The following CABIN1 variants were observed in gnomAD, a reference collection of about 807,000 sequenced individuals.
CABIN1 encodes the protein calcineurin binding protein 1, also known as calcineurin-binding protein cabin-1.
Under a neutral mutation model 227.7 loss-of-function variants are expected in CABIN1, and 133 were observed. That is an observed-to-expected ratio of 0.58 (90% CI 0.51 to 0.67). CABIN1 has a LOEUF of 0.67. CABIN1 is among the 30% of genes least tolerant of loss of function. The probability of loss-of-function intolerance (pLI) is 0.00; values close to 1 mark genes in which losing one functional copy is unlikely to be tolerated. For synonymous variants in CABIN1, 1,086 were observed against 1,155.1 expected (o/e 0.94, Z 1.21); for missense variants, 2,408 against 2,852.5 (o/e 0.84, Z 3.55).
At chr22:24,094,909 A>T (rs961334809) in intron 24 of CABIN1, among the ~76,000 whole-genome samples, 1 of 151,752 alleles carries the variant, frequency 6.6e-6, no homozygotes, top group African/African-American at 2.4e-5. Flanking sequence ...CTCCTCTGCT[A>T]TTGTGCCTTC....
intron 29 of CABIN1, among the ~76,000 whole-genome samples, chr22:24,150,736 C>G (rs1219772690): frequency 6.6e-6 from 1 of 152,294 alleles, no homozygotes; most frequent in Middle Eastern, 3.4e-3. Flanking sequence ...CTTCTGGCTC[C>G]GCTGGTGGAA....
chr22:24,160,175 C>CTCTACACTG, intron 29 of CABIN1, among the ~76,000 whole-genome samples: 1 of 152,154 alleles, frequency 6.6e-6, no homozygotes. Flanking sequence ...CAGGTTGTCC[C>CTCTACACTG]TCCCAGTGTA....
intron 26 of CABIN1, among the ~76,000 whole-genome samples, chr22:24,101,060 C>T (rs575461888): frequency 4.9e-4 from 74 of 152,298 alleles, no homozygotes; most frequent in Non-Finnish European, 9.6e-4. Flanking sequence ...TCCTCTGAAG[C>T]AGCAGCTCCT....
intron 4 of CABIN1, among the ~76,000 whole-genome samples, chr22:24,040,200 T>C (rs1012101730): frequency 1.3e-5 from 2 of 152,240 alleles, no homozygotes; most frequent in Admixed American, 6.5e-5. Context: ...CAGCTGGTTC[T>C]TGGGGGCCTT....
chr22:24,159,355 A>C (rs2046019497), intron 29 of CABIN1, among the ~76,000 whole-genome samples: 1 of 152,270 alleles, frequency 6.6e-6, no homozygotes. Context: ...GGCCGGGCCA[A>C]GCCCAAGAAG....
chr22:24,130,460 C>G (rs1691508217), intron 28 of CABIN1, among the ~76,000 whole-genome samples: 1 of 152,176 alleles, frequency 6.6e-6, no homozygotes, highest in South Asian at 2.1e-4. Context: ...CTCTGAGCCT[C>G]TATTTCCTCA....
chr22:24,084,825 G>A (rs776723043), intron 21 of CABIN1, 40 bp downstream of exon 21: 2 of 1,599,244 alleles, frequency 1.3e-6, no homozygotes, highest in Admixed American at 3.3e-5. Context: ...ACAGGGCTGG[G>A]TCACACTCTT....
chr22:24,055,235 G>T, intron 9 of CABIN1, 76 bp downstream of exon 9: 1 of 1,525,982 alleles, frequency 6.6e-7, no homozygotes, highest in Non-Finnish European at 8.9e-7. Flanking sequence ...CTGCTGGGGA[G>T]CCCTGCCTCC....
intron 6 of CABIN1, among the ~76,000 whole-genome samples, chr22:24,045,873 C>T (rs1015538503): frequency 6.6e-6 from 1 of 152,138 alleles, no homozygotes; most frequent in African/African-American, 2.4e-5. Context: ...AGTTCTTGTT[C>T]TCCATAACCA....
Position 24,178,124 on chromosome 22 carries a change from C to G in CABIN1, c.6591C>G (p.Val2197=). 1 of 1,613,842 alleles carries G rather than the reference C, an allele frequency of 6.2e-7. No homozygotes were observed. Among genetic ancestry groups the G allele is most frequent in the Non-Finnish European group, 8.5e-7 (1 of 1,179,972 alleles). Residue 2197 remains valine (V), a synonymous_variant, in exon 37 of 37, where the codon GTC becomes GTG. Transcript: ENST00000263119. Reference sequence around the variant, plus strand: ...GCCTATGCCAGCCAGCCCTGGAGGTCCTGGAGACATCCAGCCAGGAGTCCT... The same window carrying G: ...GCCTATGCCAGCCAGCCCTGGAGGTGCTGGAGACATCCAGCCAGGAGTCCT... ...KESLCQPALE[V]LETSSQESSL...
chr22:24,075,745 T>TA (rs200383727), intron 18 of CABIN1, among the ~76,000 whole-genome samples: 20 of 150,188 alleles, frequency 1.3e-4, no homozygotes, highest in South Asian at 2.1e-4. Flanking sequence ...CCCTATCTCT[T>TA]AAAAAAAAAA....
chr22:24,104,800 A>G (rs1214700997), intron 26 of CABIN1, among the ~76,000 whole-genome samples: 2 of 152,150 alleles, frequency 1.3e-5, no homozygotes, highest in Non-Finnish European at 2.9e-5. Flanking sequence ...CAAAATACTA[A>G]TTCCACCCAA....
chr22:24,087,751 C>T (rs1167635325), intron 23 of CABIN1, 38 bp downstream of exon 23: 19 of 1,611,596 alleles, frequency 1.2e-5, no homozygotes, highest in Non-Finnish European at 1.4e-5. Context: ...TGCCATCCTT[C>T]TGTCCAGACA....
chr22:24,113,341 G>A (rs2042907329), intron 26 of CABIN1, among the ~76,000 whole-genome samples: 1 of 152,182 alleles, frequency 6.6e-6, no homozygotes, highest in Non-Finnish European at 1.5e-5. Context: ...ACCACTGTTT[G>A]GGGGAACCCC....
At chr22:24,160,194 A>G (rs2046070019) in intron 29 of CABIN1, 1 of 152,012 alleles carries the variant, frequency 6.6e-6, no homozygotes, top group African/African-American at 2.4e-5. Flanking sequence ...TAGACATAGG[A>G]TGAATCTCTA....
chr22:24,052,542 G>A (rs1468043003), intron 8 of CABIN1, among the ~76,000 whole-genome samples: 4 of 151,122 alleles, frequency 2.6e-5, no homozygotes, highest in Non-Finnish European at 5.9e-5. Flanking sequence ...TATAATCCCA[G>A]TACTTTGGGA....
At chr22:24,057,935 T>C (rs577439185) in intron 10 of CABIN1, among the ~76,000 whole-genome samples, 1 of 152,370 alleles carries the variant, frequency 6.6e-6, no homozygotes, top group African/African-American at 2.4e-5. Flanking sequence ...TACTCCAAGG[T>C]CTTGTTCCCT....
Position 24,145,315 on chromosome 22 carries a change from G to A in CABIN1, c.4746+10900G>A, listed in dbSNP as rs114903184. ...CTGGGGCAGAGGCAGCAGGAGCACTGTCAACCCACCATTCCTCAGGGCTCC... is the reference window on the plus strand; with the variant it reads ...CTGGGGCAGAGGCAGCAGGAGCACTATCAACCCACCATTCCTCAGGGCTCC... On this transcript the variant is annotated intron_variant, in intron 29 of 36. Transcript: ENST00000263119. Among the ~76,000 whole-genome samples the A allele has an allele frequency of 9.8e-3, 1,487 of 152,306 alleles. 29 individuals are homozygous for A. Among genetic ancestry groups the A allele is most frequent in the African/African-American group, 0.034 (1,399 of 41,568 alleles).
At chr22:24,082,197 T>C (rs1016901185) in intron 19 of CABIN1, among the ~76,000 whole-genome samples, 2 of 151,404 alleles carry the variant, frequency 1.3e-5, no homozygotes, top group African/African-American at 4.9e-5. Context: ...TCGAGCAGTC[T>C]TCCTGCCTTA....
Sources: allele counts gnomAD v4.1 joint callset (sites outside exome capture counted in the v4.1 genomes callset), GRCh38; gene constraint gnomAD v4.1.1; transcripts MANE v1.5; gene names NCBI Gene and HGNC (gene_info 2026-07-23, HGNC 2026-07-21).